The following GCH1 variants were observed in gnomAD, a reference collection of about 807,000 sequenced individuals.
The protein encoded by GCH1 is GTP cyclohydrolase I.
In GCH1, 5 loss-of-function variants were observed where a neutral mutation model predicts 25.9. That is an observed-to-expected ratio of 0.19 (90% CI 0.10 to 0.41). The LOEUF (loss-of-function observed/expected upper bound fraction) is 0.41, where lower values mean the gene tolerates loss of function less well. Among genes scored for constraint, GCH1 ranks in the 10% least tolerant of loss-of-function variants. The probability of loss-of-function intolerance (pLI) is 1.00; values close to 1 mark genes in which losing one functional copy is unlikely to be tolerated. For missense variants in GCH1, 261 were observed against 336.5 expected, an observed-to-expected ratio of 0.78 and a Z score of 1.75; for synonymous variants, 159 against 129.6, an observed-to-expected ratio of 1.23 and a Z score of -1.54.
chr14:54,894,057 A>T (rs1195469262), intron 1 of GCH1, among the ~76,000 whole-genome samples: 1 of 152,216 alleles, frequency 6.6e-6, no homozygotes, highest in Non-Finnish European at 1.5e-5. Context: ...GATCAATGAA[A>T]TTGTAGTAAA....
chr14:54,880,467 T>TATATATATACACTCC lies in GCH1; in HGVS notation c.344-15032_344-15031insGGAGTGTATATATAT, dbSNP rs1341423909. On this transcript the variant is annotated intron_variant, in intron 1 of 5. Coordinates refer to ENST00000491895, the MANE Select transcript of GCH1 (RefSeq NM_000161.3). The stretch of plus-strand genomic sequence containing the variant: ...ATACTCCATATAAATATATACTCCA[T>TATATATATACACTCC]ATATATATATACACTCCATATATAT... 1.6e-3 allele frequency among the ~76,000 whole-genome samples: 128 copies of TATATATATACACTCC among 78,558 alleles called. 13 individuals carry two copies. Among genetic ancestry groups the TATATATATACACTCC allele is most frequent in the South Asian group, 4.1e-3 (9 of 2,202 alleles). The allele number at this position is 78,558 out of a possible 152,430, so 51.5% of individuals were successfully genotyped here.
chr14:54,886,440 GTC>G (rs2040353511), intron 1 of GCH1, among the ~76,000 whole-genome samples: 1 of 150,468 alleles, frequency 6.6e-6, no homozygotes, highest in African/African-American at 2.4e-5. Context: ...GTGAAACCCC[GTC>G]TCTACTAAAA....
At chr14:54,868,318 A>G (rs991663384) in intron 1 of GCH1, among the ~76,000 whole-genome samples, 1 of 152,122 alleles carries the variant, frequency 6.6e-6, no homozygotes, top group Admixed American at 6.6e-5. Flanking sequence ...TCAGGAGGCT[A>G]AGGCAGGAGG....
chr14:54,900,194 C>G lies in GCH1; in HGVS notation c.343+2127G>C, dbSNP rs1282435336. ...GACTTTTTAAATAGTAAAACTTGAC[C>G]AGAACAGTTTTTTTGTTTTTTTTGT... is the stretch of plus-strand genomic sequence containing the variant. On this transcript the variant is annotated intron_variant, in intron 1 of 5. Transcript: ENST00000491895. Among the ~76,000 whole-genome samples the G allele has an allele frequency of 2.0e-5, 3 of 149,620 alleles. No homozygotes were observed. The East Asian group carries it at 6.0e-4, about 30-fold the overall frequency.
intron 1 of GCH1, among the ~76,000 whole-genome samples, chr14:54,897,010 G>GTTTTT (rs1303006172): frequency 8.7e-6 from 1 of 114,886 alleles, no homozygotes; most frequent in African/African-American, 3.4e-5. Flanking sequence ...TCCACTTTTT[G>GTTTTT]TTTTTTTTTT....
chr14:54,896,633 C>T (rs1376001868), intron 1 of GCH1, among the ~76,000 whole-genome samples: 1 of 152,032 alleles, frequency 6.6e-6, no homozygotes, highest in Non-Finnish European at 1.5e-5. Flanking sequence ...AGTTTCTCGG[C>T]CGGGAGCGGT....
Position 54,902,545 on chromosome 14 carries a change from G to T in GCH1, c.119C>A (p.Pro40Gln). ...PGPSRPAEKPPRPEAKSAQPA... is the reference protein window; with the variant it reads ...PGPSRPAEKPQRPEAKSAQPA... ...CTGCGCGCTCTTGGCCTCGGGCCGC[G>T]GGGGCTTCTCCGCCGGCCTGCTGGG... The change falls in exon 1 of 6, where the codon CCG becomes CAG. Residue 40 changes from proline to glutamine, a missense_variant. Coordinates refer to ENST00000491895, the MANE Select transcript of GCH1 (RefSeq NM_000161.3). The T allele has an allele frequency of 6.5e-7, 1 of 1,544,888 alleles. No homozygotes were observed. The highest frequency in any genetic ancestry group is 8.7e-7 in the Non-Finnish European group (1 of 1,147,292).
chr14:54,863,294 C>T (rs185554626), intron 2 of GCH1, among the ~76,000 whole-genome samples: 132 of 151,346 alleles, frequency 8.7e-4, no homozygotes, highest in African/African-American at 3.0e-3. Context: ...TGGTGGCAGG[C>T]GCCTGTAGTC....
At chr14:54,847,898 T>G (rs2039667520) in intron 3 of GCH1, among the ~76,000 whole-genome samples, 1 of 152,144 alleles carries the variant, frequency 6.6e-6, no homozygotes, top group Non-Finnish European at 1.5e-5. Context: ...TCATATTGTT[T>G]TATCAGAGCT....
intron 1 of GCH1, among the ~76,000 whole-genome samples, chr14:54,892,507 G>A (rs952324196): frequency 1.3e-5 from 2 of 152,168 alleles, no homozygotes; most frequent in East Asian, 1.9e-4. Context: ...TGGCCAACAC[G>A]GTGAAACCCA....
Position 54,902,695 on chromosome 14 carries a change from G to C in GCH1, c.-32C>G, listed in dbSNP as rs2040589058. 7.0e-7 allele frequency: 1 copy of C among 1,425,436 alleles called. No individual in the cohort carries two copies. Among genetic ancestry groups the C allele is most frequent in the Non-Finnish European group, 9.1e-7 (1 of 1,095,572 alleles). The allele number at this position is 1,425,436 out of a possible 1,614,324, so 88.3% of individuals were successfully genotyped here. ...GCCGCAGCCGCTGCCGTTCGGGAAG[G>C]ACCCCGGGGCGCTTCGAGGTCTGCG... On this transcript the variant is annotated 5_prime_UTR_variant, in exon 1 of 6. Coordinates refer to ENST00000491895, the MANE Select transcript of GCH1 (RefSeq NM_000161.3).
chr14:54,898,906 G>C (rs2040523925), intron 1 of GCH1, among the ~76,000 whole-genome samples: 2 of 152,174 alleles, frequency 1.3e-5, no homozygotes, highest in African/African-American at 4.8e-5. Context: ...TTACAGGTGT[G>C]AGCCACCATG....
At chr14:54,898,062 G>T in intron 1 of GCH1, among the ~76,000 whole-genome samples, 1 of 152,180 alleles carries the variant, frequency 6.6e-6, no homozygotes, top group East Asian at 1.9e-4. Flanking sequence ...GCAGGCAACT[G>T]TAACACAATG....
chr14:54,862,895 T>C (rs891645130), intron 2 of GCH1, among the ~76,000 whole-genome samples: 2 of 152,108 alleles, frequency 1.3e-5, no homozygotes, highest in Admixed American at 6.5e-5. Context: ...CCTATTTTCT[T>C]TTCAGTAGAG....
intron 2 of GCH1, 109 bp from the exon 3 acceptor site, chr14:54,859,845 C>T (rs562917050): frequency 1.7e-4 from 120 of 716,722 alleles, no homozygotes; most frequent in Admixed American, 1.4e-3. Context: ...TAATTTATCA[C>T]GACAATGTAT....
chr14:54,902,732 C>T lies in GCH1; in HGVS notation c.-69G>A. On this transcript the variant is annotated 5_prime_UTR_variant, in exon 1 of 6. Transcript: ENST00000491895. ...CTTCGAGGTCTGCGGCTAAACTCCG[C>T]CGGTGGCCGCGGACAATGGGCTGTG... 1 of 1,388,276 alleles carries T rather than the reference C, an allele frequency of 7.2e-7. No individual in the cohort carries two copies. Among genetic ancestry groups the T allele is most frequent in the Non-Finnish European group, 9.3e-7 (1 of 1,075,792 alleles). The allele number at this position is 1,388,276 out of a possible 1,614,324, so 86.0% of individuals were successfully genotyped here. A position where few individuals can be genotyped will look rare whatever the true frequency, so the allele number is the denominator to read the frequency against.
intron 4 of GCH1, among the ~76,000 whole-genome samples, chr14:54,846,674 G>A (rs181933919): frequency 2.6e-5 from 4 of 152,344 alleles, no homozygotes; most frequent in Admixed American, 2.0e-4. Context: ...GCTTGAAACA[G>A]TAGACTTTTT....
Position 54,902,740 on chromosome 14 carries a change from C to T in GCH1, c.-77G>A, listed in dbSNP as rs2040589898. The T allele has an allele frequency of 9.4e-6, 13 of 1,384,218 alleles. No individual in the cohort carries two copies. Among genetic ancestry groups the T allele is most frequent in the Non-Finnish European group, 1.2e-5 (13 of 1,073,518 alleles). The allele number at this position is 1,384,218 out of a possible 1,614,324, so 85.7% of individuals were successfully genotyped here. A position where few individuals can be genotyped will look rare whatever the true frequency, so the allele number is the denominator to read the frequency against. On this transcript the variant is annotated 5_prime_UTR_variant, in exon 1 of 6. Transcript: ENST00000491895. ...TCTGCGGCTAAACTCCGCCGGTGGC[C>T]GCGGACAATGGGCTGTGGCCGGAGT...
chr14:54,873,558 T>G (rs1431792387), intron 1 of GCH1, among the ~76,000 whole-genome samples: 7 of 152,158 alleles, frequency 4.6e-5, no homozygotes, highest in Non-Finnish European at 8.8e-5. Flanking sequence ...ATCCAGGAGC[T>G]GGTTTTTTGA....
Sources: gnomAD v4.1 joint callset for allele counts (sites outside exome capture counted in the v4.1 genomes callset) on GRCh38, gnomAD v4.1.1 for gene constraint, MANE v1.5 for transcripts, NCBI Gene and HGNC (gene_info 2026-07-23, HGNC 2026-07-21) for gene names.